Variants in MITF observed in about 807,000 individuals in gnomAD.
MITF encodes the protein microphthalmia-associated transcription factor.
MITF carries 17 observed loss-of-function variants against 60.5 expected under a neutral mutation model. The ratio of observed to expected loss-of-function variants is 0.28; its 90% CI spans 0.19 to 0.42. The LOEUF (loss-of-function observed/expected upper bound fraction) is 0.42, where lower values mean the gene tolerates loss of function less well. Among genes scored for constraint, MITF ranks in the 10% least tolerant of loss-of-function variants. The probability of loss-of-function intolerance (pLI) is 1.00; values close to 1 mark genes in which losing one functional copy is unlikely to be tolerated. For missense variants in MITF, 622 were observed against 683.5 expected, an observed-to-expected ratio of 0.91 and a Z score of 1.00; for synonymous variants, 260 against 248.5, an observed-to-expected ratio of 1.05 and a Z score of -0.43.
intron 1 of MITF, among the ~76,000 whole-genome samples, chr3:69,868,382 G>A (rs555652276): frequency 8.7e-4 from 132 of 152,164 alleles, no homozygotes; most frequent in Admixed American, 2.3e-3. Flanking sequence ...CTGGCTCCAG[G>A]GCTTAATGCT....
At chr3:69,901,840 A>G (rs1447502165) in intron 2 of MITF, among the ~76,000 whole-genome samples, 1 of 152,208 alleles carries the variant, frequency 6.6e-6, no homozygotes, top group Non-Finnish European at 1.5e-5. Context: ...CTATGTCATC[A>G]AGAGTCCATG....
At chr3:69,829,398 C>T (rs9864949) in intron 1 of MITF, among the ~76,000 whole-genome samples, 52,607 of 151,904 alleles carry the variant, frequency 0.35, 10,038 homozygotes, top group Non-Finnish European at 0.43. Context: ...ATTCATGTCC[C>T]CTAACCTTTA....
intron 2 of MITF, among the ~76,000 whole-genome samples, chr3:69,884,326 A>T (rs537966834): frequency 6.6e-6 from 1 of 152,154 alleles, no homozygotes; most frequent in Non-Finnish European, 1.5e-5. Context: ...GCGAGGTCTG[A>T]AGAAATATGT....
chr3:69,940,293 G>A (rs1234851362), intron 4 of MITF, among the ~76,000 whole-genome samples: 1 of 152,144 alleles, frequency 6.6e-6, no homozygotes, highest in African/African-American at 2.4e-5. Context: ...AGAGACAGAA[G>A]AGCATCCCTG....
chr3:69,954,858 A>C (rs1200843306), intron 7 of MITF, among the ~76,000 whole-genome samples: 2 of 152,242 alleles, frequency 1.3e-5, no homozygotes, highest in African/African-American at 4.8e-5. Context: ...TTGGGAAAGC[A>C]GGGAATCACA....
At chr3:69,791,628 A>G (rs2062741853) in intron 1 of MITF, among the ~76,000 whole-genome samples, 1 of 152,204 alleles carries the variant, frequency 6.6e-6, no homozygotes, top group African/African-American at 2.4e-5. Flanking sequence ...GGTATTTGAA[A>G]GTTCAAACTG....
intron 7 of MITF, 71 bp from the exon 8 acceptor site, chr3:69,956,384 C>A: frequency 8.1e-7 from 1 of 1,229,498 alleles, no homozygotes; most frequent in Non-Finnish European, 1.2e-6. Flanking sequence ...ATGCACATGC[C>A]TTTAATGAGA....
chr3:69,952,666 G>A (rs542744190), intron 7 of MITF, among the ~76,000 whole-genome samples: 6 of 152,052 alleles, frequency 3.9e-5, no homozygotes, highest in Admixed American at 1.3e-4. Flanking sequence ...AGGAATATGC[G>A]TGTTGGTTTC....
At chr3:69,873,112 C>T (rs1005416433) in intron 1 of MITF, among the ~76,000 whole-genome samples, 1 of 152,074 alleles carries the variant, frequency 6.6e-6, no homozygotes, top group Non-Finnish European at 1.5e-5. Context: ...TGACTAAAAC[C>T]CAAGTTAGGT....
intron 5 of MITF, among the ~76,000 whole-genome samples, chr3:69,947,479 A>G (rs536906730): frequency 3.9e-5 from 6 of 152,174 alleles, no homozygotes; most frequent in African/African-American, 1.4e-4. Flanking sequence ...ACCTATTTCA[A>G]CTAAAACCAC....
intron 1 of MITF, among the ~76,000 whole-genome samples, chr3:69,857,099 A>G (rs1223502305): frequency 6.6e-6 from 1 of 152,086 alleles, no homozygotes; most frequent in Non-Finnish European, 1.5e-5. Context: ...AGAATGAAGT[A>G]GTGACCTAAA....
intron 2 of MITF, among the ~76,000 whole-genome samples, chr3:69,888,550 G>A (rs921858066): frequency 3.3e-5 from 5 of 151,786 alleles, no homozygotes; most frequent in African/African-American, 9.7e-5. Context: ...AGCCGTAGAC[G>A]TACATTGACT....
intron 6 of MITF, among the ~76,000 whole-genome samples, chr3:69,949,441 G>A (rs1226964925): frequency 6.6e-6 from 1 of 152,056 alleles, no homozygotes; most frequent in African/African-American, 2.4e-5. Context: ...TGTGTGTGGT[G>A]AAGGTCCCCT....
At chr3:69,755,151 T>G (rs1029668298) in intron 1 of MITF, among the ~76,000 whole-genome samples, 1 of 152,158 alleles carries the variant, frequency 6.6e-6, no homozygotes, top group Non-Finnish European at 1.5e-5. Flanking sequence ...TTTATCAACA[T>G]GTTTCCTTTC....
intron 2 of MITF, among the ~76,000 whole-genome samples, chr3:69,890,224 T>C (rs779571356): frequency 6.6e-6 from 1 of 152,142 alleles, no homozygotes; most frequent in Non-Finnish European, 1.5e-5. Flanking sequence ...CAGCCTCTTA[T>C]AGGAGAAAGC....
intron 2 of MITF, among the ~76,000 whole-genome samples, chr3:69,929,677 T>A (rs1301917113): frequency 6.6e-6 from 1 of 152,102 alleles, no homozygotes; most frequent in Admixed American, 6.5e-5. Flanking sequence ...TTAGTTTCTA[T>A]AGAGAAATGA....
At chr3:69,786,002 G>A (rs968873681) in intron 1 of MITF, among the ~76,000 whole-genome samples, 1 of 152,180 alleles carries the variant, frequency 6.6e-6, no homozygotes, top group Non-Finnish European at 1.5e-5. Context: ...GGAAGGTTCA[G>A]TGATCAAATA....
intron 2 of MITF, among the ~76,000 whole-genome samples, chr3:69,903,971 A>G (rs991535139): frequency 6.6e-6 from 1 of 152,176 alleles, no homozygotes; most frequent in Non-Finnish European, 1.5e-5. Flanking sequence ...GGAGGATTAT[A>G]TGAGATAATG....
chr3:69,812,886 A>G (rs1385906391), intron 1 of MITF, among the ~76,000 whole-genome samples: 2 of 152,164 alleles, frequency 1.3e-5, no homozygotes, highest in Non-Finnish European at 2.9e-5. Context: ...TTGGAAAGGA[A>G]AGTTGGTGTA....
Sources: allele counts gnomAD v4.1 joint callset (sites outside exome capture counted in the v4.1 genomes callset), GRCh38; gene constraint gnomAD v4.1.1; transcripts MANE v1.5; gene names NCBI Gene and HGNC (gene_info 2026-07-23, HGNC 2026-07-21).